The following SHLD2 variants were observed in gnomAD, a reference collection of about 807,000 sequenced individuals.
SHLD2 encodes RINN1-REV7-interacting novel NHEJ regulator 2.
A neutral mutation model predicts 73.2 loss-of-function variants in SHLD2; 30 were observed. The observed-to-expected ratio is 0.41, with a 90% CI of 0.31 to 0.56. The LOEUF is 0.56. Ranked by LOEUF, SHLD2 falls within the 20% of genes least tolerant of loss-of-function variation. The probability of loss-of-function intolerance (pLI) is 0.28; values close to 1 mark genes in which losing one functional copy is unlikely to be tolerated. For missense variants in SHLD2, 745 were observed against 1,055.9 expected, an observed-to-expected ratio of 0.71 and a Z score of 4.08; for synonymous variants, 285 against 370.1, an observed-to-expected ratio of 0.77 and a Z score of 2.64.
rs755228720 is a variant in SHLD2 at position 87,180,312 on chromosome 10, A to C, written c.2399+9A>C. 1 of 1,598,558 alleles carries C rather than the reference A, an allele frequency of 6.3e-7. No individual in the cohort carries two copies. Among genetic ancestry groups the C allele is most frequent in the East Asian group, 2.2e-5 (1 of 44,780 alleles). On this transcript the variant is annotated intron_variant, in intron 8 of 9. Transcript: ENST00000298786. Reference sequence around the variant, plus strand: ...AAGAAAATATATTATAGGTAAGGCAACTAAGCAAGCCAATTTGATGGAAAA... The same window carrying C: ...AAGAAAATATATTATAGGTAAGGCACCTAAGCAAGCCAATTTGATGGAAAA...
intron 2 of SHLD2, among the ~76,000 whole-genome samples, chr10:87,127,227 C>T (rs1297243786): frequency 6.6e-6 from 1 of 151,966 alleles, no homozygotes; most frequent in Non-Finnish European, 1.5e-5. Flanking sequence ...ATTTGGAGAG[C>T]ACAATCTGTG....
chr10:87,173,333 G>A (rs1237874363), intron 6 of SHLD2, among the ~76,000 whole-genome samples: 4 of 152,116 alleles, frequency 2.6e-5, no homozygotes. Context: ...CACCCGGCCA[G>A]CATAATGAAC....
chr10:87,166,027 TAA>T (rs1253633117), intron 4 of SHLD2, among the ~76,000 whole-genome samples: 2 of 152,146 alleles, frequency 1.3e-5, no homozygotes, highest in East Asian at 3.8e-4. Flanking sequence ...CTTAACTTCA[TAA>T]AGAGTGTCTT....
intron 2 of SHLD2, among the ~76,000 whole-genome samples, chr10:87,113,484 C>T (rs913066712): frequency 5.3e-5 from 8 of 152,028 alleles, no homozygotes; most frequent in African/African-American, 1.9e-4. Context: ...ATTGTATGAT[C>T]CCACTTATAT....
chr10:87,140,101 G>C (rs1453513092), intron 2 of SHLD2, among the ~76,000 whole-genome samples: 1 of 152,094 alleles, frequency 6.6e-6, no homozygotes, highest in Non-Finnish European at 1.5e-5. Context: ...AGTGGGGAAA[G>C]GTAGAAAGCA....
At chr10:87,138,055 C>G (rs1275565902) in intron 2 of SHLD2, among the ~76,000 whole-genome samples, 1 of 152,112 alleles carries the variant, frequency 6.6e-6, no homozygotes, top group African/African-American at 2.4e-5. Context: ...CCTGTAATCT[C>G]AGAACTTTGG....
chr10:87,144,666 G>T (rs1440193484), intron 2 of SHLD2, among the ~76,000 whole-genome samples: 6 of 101,806 alleles, frequency 5.9e-5, no homozygotes, highest in East Asian at 3.5e-4. Context: ...TCGCTTTGTT[G>T]CCCAGGCTGG....
At chr10:87,112,411 TC>T (rs1037745749) in intron 2 of SHLD2, among the ~76,000 whole-genome samples, 1 of 151,980 alleles carries the variant, frequency 6.6e-6, no homozygotes, top group African/African-American at 2.4e-5. Flanking sequence ...TTGCCTATAA[TC>T]CCAGCACTTT....
At position 87,173,117 on chromosome 10, in the gene SHLD2, C is replaced by T. The variant is rs188310851; in HGVS notation, c.1963+2143C>T. The stretch of plus-strand genomic sequence containing the variant: ...GTAGTGGCATGATCTCTGCTCACTG[C>T]AACCTCCTCAAGTTATTCTCCTGCC... On this transcript the variant is annotated intron_variant, in intron 6 of 9. Transcript: ENST00000298786. Among the ~76,000 whole-genome samples, 617 of 150,272 alleles carry T rather than the reference C, an allele frequency of 4.1e-3. 4 individuals carry two copies. The highest frequency in any genetic ancestry group is 0.01 in the Middle Eastern group (3 of 292).
At chr10:87,133,901 T>C (rs1844609787) in intron 2 of SHLD2, among the ~76,000 whole-genome samples, 1 of 152,260 alleles carries the variant, frequency 6.6e-6, no homozygotes, top group East Asian at 1.9e-4. Flanking sequence ...TATCATTGTT[T>C]TATAGCTGGG....
intron 2 of SHLD2, among the ~76,000 whole-genome samples, chr10:87,133,315 TTTAA>T (rs1285138462): frequency 1.3e-5 from 2 of 152,232 alleles, no homozygotes; most frequent in East Asian, 3.8e-4. Context: ...CTCTGAGGTA[TTTAA>T]TTAATATCTT....
chr10:87,106,788 A>G (rs1288148372), intron 2 of SHLD2, among the ~76,000 whole-genome samples: 1 of 152,216 alleles, frequency 6.6e-6, no homozygotes, highest in Non-Finnish European at 1.5e-5. Flanking sequence ...CAAGTGGATT[A>G]AAATAAGAGG....
chr10:87,100,711 C>T (rs1265281229), intron 2 of SHLD2, among the ~76,000 whole-genome samples: 2 of 152,116 alleles, frequency 1.3e-5, no homozygotes, highest in Non-Finnish European at 2.9e-5. Flanking sequence ...CTCCTTGACC[C>T]AGGTGATCCG....
intron 2 of SHLD2, among the ~76,000 whole-genome samples, chr10:87,150,931 A>T (rs1007145345): frequency 4.6e-5 from 7 of 151,764 alleles, no homozygotes; most frequent in Non-Finnish European, 8.8e-5. Context: ...GGTTCAAGCG[A>T]TTCTTCTGCC....
At chr10:87,181,653 T>G (rs1199332290) in intron 8 of SHLD2, among the ~76,000 whole-genome samples, 3 of 151,284 alleles carry the variant, frequency 2.0e-5, no homozygotes, top group Non-Finnish European at 4.4e-5. Context: ...ATGAGGTATT[T>G]AAGATCTCTT....
chr10:87,142,754 GTTCT>G, intron 2 of SHLD2, among the ~76,000 whole-genome samples: 1 of 146,866 alleles, frequency 6.8e-6, no homozygotes, highest in Non-Finnish European at 1.5e-5. Context: ...AAGTAGCAAA[GTTCT>G]TTCTTTTTTT....
chr10:87,105,221 TAAGAA>T (rs1391555931), intron 2 of SHLD2, among the ~76,000 whole-genome samples: 1 of 152,164 alleles, frequency 6.6e-6, no homozygotes, highest in East Asian at 1.9e-4. Flanking sequence ...TAGAGGATAA[TAAGAA>T]GGGAAGTGTA....
At position 87,121,750 on chromosome 10, in the gene SHLD2, TTTTC is replaced by T. The variant is rs1255266427; in HGVS notation, c.-6+24773_-6+24776del. On this transcript the variant is annotated intron_variant, in intron 2 of 9. Coordinates refer to ENST00000298786, the MANE Select transcript of SHLD2 (RefSeq NM_001330112.2). Reference sequence around the variant, plus strand: ...GTAATCAGGTTCAGCAAAAGTGGTATTTTCTTTCTTTCTTTTTTTTTTTTTTTTT... The same window carrying T: ...GTAATCAGGTTCAGCAAAAGTGGTATTTTCTTTCTTTTTTTTTTTTTTTTT... Among the ~76,000 whole-genome samples, 6 of 147,582 alleles carry T rather than the reference TTTTC, an allele frequency of 4.1e-5. No individual in the cohort carries two copies. In the South Asian group the frequency reaches 8.5e-4, roughly 21 times the overall value.
At chr10:87,145,343 T>C (rs1845528268) in intron 2 of SHLD2, among the ~76,000 whole-genome samples, 1 of 152,200 alleles carries the variant, frequency 6.6e-6, no homozygotes, top group Non-Finnish European at 1.5e-5. Context: ...TGATTTTCTT[T>C]AACCAACAAG....
Sources: gnomAD v4.1 joint callset for allele counts (sites outside exome capture counted in the v4.1 genomes callset) on GRCh38, gnomAD v4.1.1 for gene constraint, MANE v1.5 for transcripts, NCBI Gene and HGNC (gene_info 2026-07-23, HGNC 2026-07-21) for gene names.